The following COMMD4 variants were observed in gnomAD, a reference collection of about 807,000 sequenced individuals.
The protein encoded by COMMD4 is COMM domain containing 4, also known as COMM domain-containing protein 4.
COMMD4 carries 18 observed loss-of-function variants against 27.5 expected under a neutral mutation model. That is an observed-to-expected ratio of 0.65 (90% CI 0.45 to 0.97). COMMD4 has a LOEUF of 0.97. Among genes scored for constraint, COMMD4 ranks in the 50% least tolerant of loss-of-function variants. The probability of loss-of-function intolerance (pLI) is 0.00; values close to 1 mark genes in which losing one functional copy is unlikely to be tolerated. For missense variants in COMMD4, 243 were observed against 250.0 expected (o/e 0.97, Z 0.19); for synonymous variants, 108 against 108.4 (o/e 1.00, Z 0.02).
At chr15:75,336,465 T>C (rs1256715822) in intron 1 of COMMD4, 4 of 534,832 alleles carry the variant, frequency 7.5e-6, no homozygotes, top group Admixed American at 3.6e-5. Context: ...CCGTGGGGCT[T>C]GTACAAGAAG....
chr15:75,339,586 G>A (rs1423145701), intron 6 of COMMD4, 116 bp from the exon 7 acceptor site: 5 of 1,236,092 alleles, frequency 4.0e-6, no homozygotes, highest in Non-Finnish European at 5.6e-6. Context: ...TCAGCAGGAT[G>A]GGAGCTTCTT....
At chr15:75,338,808 C>T (rs1189634958) in intron 4 of COMMD4, 123 bp downstream of exon 4, 2 of 1,417,032 alleles carry the variant, frequency 1.4e-6, no homozygotes, top group Non-Finnish European at 2.0e-6. Context: ...AGTGGAGGAG[C>T]ATGAGGGAAA....
chr15:75,340,628 G>A (rs1324035116), downstream of COMMD4, among the ~76,000 whole-genome samples: 1 of 152,006 alleles, frequency 6.6e-6, no homozygotes, highest in Non-Finnish European at 1.5e-5. Flanking sequence ...TTTAGAGACG[G>A]AGTTTCGCTC....
Position 75,338,063 on chromosome 15 carries a change from G to A in COMMD4, c.5G>A (p.Arg2Lys). 1 of 1,605,802 alleles carries A rather than the reference G, an allele frequency of 6.2e-7. No individual in the cohort carries two copies. Among genetic ancestry groups the A allele is most frequent in the Non-Finnish European group, 8.5e-7 (1 of 1,176,006 alleles). Residue 2 changes from arginine to lysine, a missense_variant and splice_region_variant, in exon 2 of 8, where the codon AGG becomes AAG. Physicochemically the swap from Arg to Lys is conservative, Grantham distance 26. Coordinates refer to ENST00000267935, the MANE Select transcript of COMMD4 (RefSeq NM_017828.5). M[R>K]FRFCGDLDCP... ...ATTACCTGCCTCCCTCCCTTGCAGA[G>A]GTTCCGGTTCTGTGGTGATCTGGAC... is the stretch of plus-strand genomic sequence containing the variant.
At chr15:75,339,207 G>A (rs1324337694) in intron 5 of COMMD4, 57 bp from the exon 6 acceptor site, 23 of 1,611,934 alleles carry the variant, frequency 1.4e-5, no homozygotes, top group Non-Finnish European at 1.9e-5. Context: ...GTCTGGGCCA[G>A]GAGCCCAAGC....
At chr15:75,340,286 G>C (rs575226079), downstream of COMMD4, 2 of 472,126 alleles carry the variant, frequency 4.2e-6, no homozygotes, top group South Asian at 3.6e-5. Flanking sequence ...TGTGCAGGGG[G>C]TTCTGTTTGG....
intron 1 of COMMD4, chr15:75,336,372 G>T (rs1176612873): frequency 1.4e-5 from 15 of 1,074,792 alleles, no homozygotes; most frequent in Admixed American, 3.1e-5. Context: ...GCAGGAACTA[G>T]GGCTTGTCTG....
rs1458825757 is a variant in COMMD4, at chr15:75,338,170, G to C, written c.75+37G>C. The C allele has an allele frequency of 4.5e-6, 7 of 1,562,436 alleles. No homozygotes were observed. The South Asian group carries it at 8.2e-5, about 18-fold the overall frequency. On this transcript the variant is annotated intron_variant, in intron 2 of 7. Transcript: ENST00000267935. ...AGGGTCTAGTCTGGGTGGAGGAGGGGTGTTGGGGGTGGGGATTGTGGGTGT... is the reference window on the plus strand; with the variant it reads ...AGGGTCTAGTCTGGGTGGAGGAGGGCTGTTGGGGGTGGGGATTGTGGGTGT...
rs759900365 is a variant in COMMD4 at position 75,336,099 on chromosome 15, C to T, written c.3+7C>T. On this transcript the variant is annotated splice_region_variant and intron_variant, in intron 1 of 7. Transcript: ENST00000267935. ...CTGGCTTCTTGGCGCGATGGTGAGG[C>T]ACTAGGGGCGAAGCGAGGCTTGGGC... is the stretch of plus-strand genomic sequence containing the variant. 25 of 1,549,652 alleles carry T rather than the reference C, an allele frequency of 1.6e-5. No homozygotes were observed. Among genetic ancestry groups the T allele is most frequent in the Non-Finnish European group, 2.1e-5 (24 of 1,146,828 alleles).
In COMMD4 at chr15:75,339,123, C is replaced by A. The variant is rs1455723141; in HGVS notation, c.301+19C>A. 1 of 1,612,720 alleles carries A rather than the reference C, an allele frequency of 6.2e-7. No individual in the cohort carries two copies. Among genetic ancestry groups the A allele is most frequent in the Non-Finnish European group, 8.5e-7 (1 of 1,180,020 alleles). On this transcript the variant is annotated intron_variant, in intron 5 of 7. Transcript: ENST00000267935. ...CCCAAAGGTACGGGTTGTGGGTGGG[C>A]AGCTGGGCAGCCTGTGGGCCAAGGG... is the stretch of plus-strand genomic sequence containing the variant.
chr15:75,336,096 A>G lies in COMMD4; in HGVS notation c.3+4A>G. 1 of 1,549,730 alleles carries G rather than the reference A, an allele frequency of 6.5e-7. No homozygotes were observed. Among genetic ancestry groups the G allele is most frequent in the South Asian group, 1.2e-5 (1 of 83,970 alleles). On this transcript the variant is annotated splice_donor_region_variant and intron_variant, in intron 1 of 7. Transcript: ENST00000267935. ...GCCCTGGCTTCTTGGCGCGATGGTG[A>G]GGCACTAGGGGCGAAGCGAGGCTTG...
chr15:75,336,264 G>T, intron 1 of COMMD4, 172 bp downstream of exon 1: 1 of 1,506,250 alleles, frequency 6.6e-7, no homozygotes. Flanking sequence ...CCGCTCCCGA[G>T]ACGGGGGCGG....
At chr15:75,338,572 G>T (rs541136917) in intron 3 of COMMD4, 74 bp from the exon 4 acceptor site, 27 of 1,594,352 alleles carry the variant, frequency 1.7e-5, no homozygotes, top group Non-Finnish European at 2.3e-5. Context: ...GTTCCTTATC[G>T]CAGGATCCAG....
chr15:75,338,499 G>A, intron 3 of COMMD4, 79 bp downstream of exon 3: 2 of 1,584,794 alleles, frequency 1.3e-6, no homozygotes, highest in South Asian at 1.1e-5. Flanking sequence ...TAGGCCCAGG[G>A]AGACGGGTGA....
In COMMD4 at chr15:75,337,815, T is replaced by C. The variant is rs1441060627; in HGVS notation, c.4-247T>C. On this transcript the variant is annotated intron_variant, in intron 1 of 7. Coordinates refer to ENST00000267935, the MANE Select transcript of COMMD4 (RefSeq NM_017828.5). The stretch of plus-strand genomic sequence containing the variant: ...AGAGTGGGAGCTAGCACAGAGAAGG[T>C]GCTTAATTGATGTTTGCTGAGCAGA... The C allele has an allele frequency of 3.9e-4, 220 of 557,446 alleles. No individual in the cohort carries two copies. The East Asian group carries it at 5.9e-3, about 15-fold the overall frequency. The allele number at this position is 557,446 out of a possible 1,614,324, so 34.5% of individuals were successfully genotyped here.
intron 1 of COMMD4, 33 bp from the exon 2 acceptor site, chr15:75,338,028 CT>C: frequency 6.4e-7 from 1 of 1,563,488 alleles, no homozygotes; most frequent in South Asian, 1.2e-5. Context: ...TCAGGCCTCC[CT>C]CCAGCCTGAT....
At chr15:75,338,317 G>A in intron 2 of COMMD4, 38 bp from the exon 3 acceptor site, 1 of 1,548,258 alleles carries the variant, frequency 6.5e-7, no homozygotes, top group Non-Finnish European at 8.8e-7. Context: ...GAGGGGTGAG[G>A]TTTGCCAGCC....
chr15:75,338,800 T>C, intron 4 of COMMD4, 115 bp downstream of exon 4: 2 of 1,412,432 alleles, frequency 1.4e-6, no homozygotes, highest in South Asian at 1.2e-5. Context: ...CCTTCCCTAG[T>C]GGAGGAGCAT....
Position 75,339,885 on chromosome 15 carries a change from C to T in COMMD4, c.559+7C>T, listed in dbSNP as rs1443061852. The stretch of plus-strand genomic sequence containing the variant: ...TTCCAGGTCCTCCTGGCAGGTGAGG[C>T]TCAGCTATTCCTCGACGGGTGAGAG... On this transcript the variant is annotated splice_region_variant and intron_variant, in intron 7 of 7. Transcript: ENST00000267935. 1.2e-6 allele frequency: 2 copies of T among 1,613,218 alleles called. No individual in the cohort carries two copies. Among genetic ancestry groups the T allele is most frequent in the East Asian group, 4.5e-5 (2 of 44,860 alleles).
Sources: gnomAD v4.1 joint callset for allele counts (sites outside exome capture counted in the v4.1 genomes callset) on GRCh38, gnomAD v4.1.1 for gene constraint, MANE v1.5 for transcripts, NCBI Gene and HGNC (gene_info 2026-07-23, HGNC 2026-07-21) for gene names.